Variants in TMEM181 observed in about 807,000 individuals in gnomAD.
TMEM181 encodes the protein G protein-coupled receptor 178.
Under a neutral mutation model 71.9 loss-of-function variants are expected in TMEM181, and 39 were observed. That is an observed-to-expected ratio of 0.54 (90% CI 0.42 to 0.71). The LOEUF is 0.71. Ranked by LOEUF, TMEM181 falls within the 30% of genes least tolerant of loss-of-function variation. The pLI, the probability that TMEM181 is intolerant of heterozygous loss-of-function variation, is 0.00. For missense variants in TMEM181, 595 were observed against 583.0 expected (o/e 1.02, Z -0.21); for synonymous variants, 245 against 228.8 (o/e 1.07, Z -0.64).
Position 158,623,548 on chromosome 6 carries a change from A to T in TMEM181, c.897-2A>T. Reference sequence around the variant, plus strand: ...ATAATTATTTATAATGTCAATTTTTAGAGTTAACGAATTACATGATCCAAT... The same window carrying T: ...ATAATTATTTATAATGTCAATTTTTTGAGTTAACGAATTACATGATCCAAT... On this transcript the variant is annotated splice_acceptor_variant, in intron 10 of 16. Coordinates refer to ENST00000684151, the MANE Select transcript of TMEM181 (RefSeq NM_001376852.1). LOFTEE classifies it high-confidence loss of function. 2 of 1,543,674 alleles carry T rather than the reference A, an allele frequency of 1.3e-6. No individual in the cohort carries two copies. The highest frequency in any genetic ancestry group is 1.8e-6 in the Non-Finnish European group (2 of 1,136,706).
At chr6:158,615,087 A>T (rs1279665063) in intron 10 of TMEM181, among the ~76,000 whole-genome samples, 1 of 152,208 alleles carries the variant, frequency 6.6e-6, no homozygotes, top group Non-Finnish European at 1.5e-5. Context: ...CGGTTGAACT[A>T]GTTTACACTC....
rs893983783 is a variant in TMEM181 at position 158,635,020 on chromosome 6, C to CT, written c.*3136dup. On this transcript the variant is annotated 3_prime_UTR_variant, in exon 17 of 17. Coordinates refer to ENST00000684151, the MANE Select transcript of TMEM181 (RefSeq NM_001376852.1). ...GAAACCGGTTGCCTTAGAGGTTAGA[C>CT]TTTTGAAGAAAAAAAAAAAAAGATA... 4.7e-5 allele frequency: 7 copies of CT among 150,104 alleles called. No homozygotes were observed. The highest frequency in any genetic ancestry group is 8.9e-5 in the Non-Finnish European group (6 of 67,706). The allele number at this position is 150,104 out of a possible 1,614,324, so 9.3% of individuals were successfully genotyped here. A position where few individuals can be genotyped will look rare whatever the true frequency, so the allele number is the denominator to read the frequency against.
chr6:158,554,539 A>G (rs1015471679), intron 1 of TMEM181, among the ~76,000 whole-genome samples: 10 of 152,244 alleles, frequency 6.6e-5, no homozygotes, highest in Non-Finnish European at 1.3e-4. Flanking sequence ...TCATTTTAAC[A>G]TTGATGAGGA....
chr6:158,543,049 G>A (rs1280618197), intron 1 of TMEM181, among the ~76,000 whole-genome samples: 1 of 151,500 alleles, frequency 6.6e-6, no homozygotes, highest in African/African-American at 2.4e-5. Flanking sequence ...CTAATTTTTT[G>A]TATTTTTAGT....
At chr6:158,627,882 C>T (rs969346846) in intron 13 of TMEM181, among the ~76,000 whole-genome samples, 1 of 152,082 alleles carries the variant, frequency 6.6e-6, no homozygotes, top group Non-Finnish European at 1.5e-5. Context: ...ACCTGTGTCC[C>T]GAGGCCTCTG....
chr6:158,541,427 A>G (rs938480753), intron 1 of TMEM181, among the ~76,000 whole-genome samples: 1 of 49,026 alleles, frequency 2.0e-5, no homozygotes, highest in African/African-American at 1.0e-4. Flanking sequence ...CAAAAAACAA[A>G]AAAACAAAAA....
At position 158,623,541 on chromosome 6, in the gene TMEM181, A is replaced by C. The variant is rs1307886737; in HGVS notation, c.897-9A>C. 6.6e-7 allele frequency: 1 copy of C among 1,520,804 alleles called. No homozygotes were observed. The highest frequency in any genetic ancestry group is 1.4e-5 in the African/African-American group (1 of 72,444). 94.2% of individuals were successfully genotyped at this position (1,520,804 alleles called of 1,614,324 possible). On this transcript the variant is annotated splice_polypyrimidine_tract_variant and intron_variant, in intron 10 of 16. Coordinates refer to ENST00000684151, the MANE Select transcript of TMEM181 (RefSeq NM_001376852.1). Reference sequence around the variant, plus strand: ...TTAATCTATAATTATTTATAATGTCAATTTTTAGAGTTAACGAATTACATG... The same window carrying C: ...TTAATCTATAATTATTTATAATGTCCATTTTTAGAGTTAACGAATTACATG...
intron 1 of TMEM181, among the ~76,000 whole-genome samples, chr6:158,550,088 C>T (rs992229394): frequency 1.3e-5 from 2 of 151,680 alleles, no homozygotes; most frequent in Non-Finnish European, 2.9e-5. Flanking sequence ...GATGTCCCTC[C>T]GTGCTTGGAT....
chr6:158,618,386 C>G (rs993104834), intron 10 of TMEM181, among the ~76,000 whole-genome samples: 3 of 152,118 alleles, frequency 2.0e-5, no homozygotes, highest in Non-Finnish European at 1.5e-5. Flanking sequence ...CTATGTGTGT[C>G]TCTGCACGTG....
intron 10 of TMEM181, 122 bp from the exon 11 acceptor site, chr6:158,623,428 A>C (rs1262052245): frequency 1.8e-6 from 1 of 568,958 alleles, no homozygotes; most frequent in East Asian, 3.2e-5. Context: ...AAAATCCTTC[A>C]CTGTTGGTAG....
intron 11 of TMEM181, among the ~76,000 whole-genome samples, 176 bp from the exon 12 acceptor site, chr6:158,624,928 C>T (rs543004004): frequency 1.7e-4 from 26 of 152,316 alleles, no homozygotes; most frequent in African/African-American, 5.3e-4. Flanking sequence ...TGCCTGTGCT[C>T]GCAGCGGGAC....
At chr6:158,565,628 A>C (rs1782447331) in intron 1 of TMEM181, among the ~76,000 whole-genome samples, 1 of 152,204 alleles carries the variant, frequency 6.6e-6, no homozygotes, top group African/African-American at 2.4e-5. Flanking sequence ...AACAGAAAAA[A>C]ACAGGGAAGA....
At chr6:158,624,962 G>C (rs1468062377) in intron 11 of TMEM181, 142 bp from the exon 12 acceptor site, 4 of 706,318 alleles carry the variant, frequency 5.7e-6, no homozygotes, top group Non-Finnish European at 1.0e-5. Context: ...CCGGCTGGGA[G>C]CCCATTGTTC....
intron 6 of TMEM181, among the ~76,000 whole-genome samples, chr6:158,604,360 T>A (rs1436575528): frequency 6.6e-6 from 1 of 152,076 alleles, no homozygotes; most frequent in African/African-American, 2.4e-5. Context: ...GTGCGTGATG[T>A]TTTAGGTAAA....
intron 2 of TMEM181, among the ~76,000 whole-genome samples, chr6:158,578,697 G>A (rs1374595820): frequency 2.0e-5 from 3 of 152,142 alleles, no homozygotes; most frequent in East Asian, 3.8e-4. Flanking sequence ...TACAGAGAAC[G>A]AAGGCATATA....
In TMEM181 at chr6:158,634,526, A is replaced by T. The variant is rs1554231716; in HGVS notation, c.*2638A>T. ...CCAGTCTAGGAGAACCTGGAAGATG[A>T]CCAGAGGTATTTCAGTTTCCCTAGG... On this transcript the variant is annotated 3_prime_UTR_variant, in exon 17 of 17. Coordinates refer to ENST00000684151, the MANE Select transcript of TMEM181 (RefSeq NM_001376852.1). The T allele has an allele frequency of 6.6e-6, 1 of 152,190 alleles. No homozygotes were observed. Among genetic ancestry groups the T allele is most frequent in the Non-Finnish European group, 1.5e-5 (1 of 68,042 alleles). The allele number at this position is 152,190 out of a possible 1,614,324, so 9.4% of individuals were successfully genotyped here.
intron 1 of TMEM181, among the ~76,000 whole-genome samples, chr6:158,551,404 C>T (rs977795622): frequency 6.6e-6 from 1 of 151,998 alleles, no homozygotes; most frequent in Admixed American, 6.6e-5. Context: ...TTCAAGAGTA[C>T]TTGTTAGGGT....
At chr6:158,560,480 C>G (rs2128284721) in intron 1 of TMEM181, among the ~76,000 whole-genome samples, 1 of 152,308 alleles carries the variant, frequency 6.6e-6, no homozygotes, top group Admixed American at 6.5e-5. Flanking sequence ...GACCGGGATG[C>G]GGTCGGGGTT....
intron 1 of TMEM181, among the ~76,000 whole-genome samples, chr6:158,567,181 C>T (rs1782560278): frequency 6.6e-6 from 1 of 152,160 alleles, no homozygotes. Context: ...GGGAAACTGA[C>T]ATGTGGCCCC....
Sources: allele counts gnomAD v4.1 joint callset (sites outside exome capture counted in the v4.1 genomes callset), GRCh38; gene constraint gnomAD v4.1.1; transcripts MANE v1.5; gene names NCBI Gene and HGNC (gene_info 2026-07-23, HGNC 2026-07-21).